The following ITGAL variants were observed in gnomAD, a reference collection of about 807,000 sequenced individuals.
ITGAL encodes the protein integrin subunit alpha L, also known as integrin alpha-L.
Under a neutral mutation model 138.4 loss-of-function variants are expected in ITGAL, and 68 were observed. The observed-to-expected ratio is 0.49, with a 90% CI of 0.40 to 0.60. The LOEUF (loss-of-function observed/expected upper bound fraction) is 0.60. Among genes scored for constraint, ITGAL ranks in the 20% least tolerant of loss-of-function variants. ITGAL has a pLI of 0.00. For synonymous variants in ITGAL, 561 were observed against 584.3 expected (o/e 0.96, Z 0.57); for missense variants, 1,256 against 1,478.6 (o/e 0.85, Z 2.47).
chr16:30,493,238 TA>T (rs200006771), intron 11 of ITGAL, among the ~76,000 whole-genome samples: 1,927 of 144,310 alleles, frequency 0.013, 35 homozygotes, highest in African/African-American at 0.046. Flanking sequence ...TTCTGACTAA[TA>T]TATACCATTT....
At chr16:30,489,949 G>A (rs559027220) in intron 11 of ITGAL, among the ~76,000 whole-genome samples, 14 of 151,416 alleles carry the variant, frequency 9.2e-5, no homozygotes, top group East Asian at 3.9e-4. Context: ...AAACAGGGCC[G>A]AGCACAGTGG....
chr16:30,513,698 G>C, intron 24 of ITGAL, 73 bp from the exon 25 acceptor site: 1 of 1,104,170 alleles, frequency 9.1e-7, no homozygotes. Context: ...ACAGTGGCTG[G>C]GCGCTCAGAA....
Position 30,516,964 on chromosome 16 carries a change from C to T in ITGAL, c.2863-9C>T, listed in dbSNP as rs1486617853. On this transcript the variant is annotated splice_polypyrimidine_tract_variant and intron_variant, in intron 25 of 30. Transcript: ENST00000356798. ...TTCAGGGCTCTGCATCCCTTGTCCT[C>T]TGTGCCAGGTGAGGATCCAGCCTTC... The T allele has an allele frequency of 5.6e-6, 9 of 1,601,794 alleles. No individual in the cohort carries two copies. Among genetic ancestry groups the T allele is most frequent in the Non-Finnish European group, 5.1e-6 (6 of 1,169,036 alleles).
intron 21 of ITGAL, among the ~76,000 whole-genome samples, chr16:30,507,457 C>CAAAAAAAAAACA (rs768576989): frequency 1.9e-5 from 1 of 52,488 alleles, no homozygotes; most frequent in East Asian, 5.9e-4. Flanking sequence ...AACTCCGTCT[C>CAAAAAAAAAACA]AAAAAAAAAA....
intron 6 of ITGAL, 172 bp from the exon 7 acceptor site, chr16:30,481,267 A>C (rs1597067346): frequency 1.4e-4 from 71 of 505,734 alleles, no homozygotes; most frequent in East Asian, 1.9e-4. Context: ...AATCGCTGGA[A>C]CCCGGGAGGC....
At chr16:30,503,159 G>GA (rs372416628) in intron 17 of ITGAL, among the ~76,000 whole-genome samples, 10 of 151,858 alleles carry the variant, frequency 6.6e-5, no homozygotes, top group Middle Eastern at 6.8e-3. Flanking sequence ...CACAAAACTA[G>GA]AAAAAAAATA....
chr16:30,482,952 GAGT>G (rs1203088740), intron 7 of ITGAL, among the ~76,000 whole-genome samples: 1 of 151,986 alleles, frequency 6.6e-6, no homozygotes, highest in Non-Finnish European at 1.5e-5. Context: ...TCAGCCTCCT[GAGT>G]AGTTGGGACT....
chr16:30,499,657 T>A, intron 17 of ITGAL, 168 bp downstream of exon 17: 1 of 298,376 alleles, frequency 3.4e-6, no homozygotes, highest in South Asian at 5.0e-5. Flanking sequence ...TAGTGTTTTT[T>A]TTAAATTATA....
At chr16:30,493,300 G>A (rs890360857) in intron 11 of ITGAL, among the ~76,000 whole-genome samples, 3 of 64,772 alleles carry the variant, frequency 4.6e-5, no homozygotes, top group African/African-American at 8.9e-5. Flanking sequence ...TTTATTTTGA[G>A]ACGGAGTCTC....
Position 30,518,723 on chromosome 16 carries a change from T to C in ITGAL, c.3228+4T>C. The C allele has an allele frequency of 6.2e-7, 1 of 1,605,156 alleles. No homozygotes were observed. Among genetic ancestry groups the C allele is most frequent in the Non-Finnish European group, 8.5e-7 (1 of 1,171,994 alleles). ...CAGCAACGCCTCCCTGGCCCAGGTATCTCCACCTCCTTGGAAGCCCCAGGA... is the reference window on the plus strand; with the variant it reads ...CAGCAACGCCTCCCTGGCCCAGGTACCTCCACCTCCTTGGAAGCCCCAGGA... On this transcript the variant is annotated splice_donor_region_variant and intron_variant, in intron 29 of 30. Transcript: ENST00000356798.
intron 11 of ITGAL, among the ~76,000 whole-genome samples, chr16:30,489,946 G>A (rs1410466392): frequency 1.3e-5 from 2 of 151,386 alleles, no homozygotes; most frequent in Admixed American, 6.6e-5. Flanking sequence ...AACAAACAGG[G>A]CCGAGCACAG....
At chr16:30,498,294 C>A (rs892379496) in intron 15 of ITGAL, among the ~76,000 whole-genome samples, 18 of 149,516 alleles carry the variant, frequency 1.2e-4, no homozygotes, top group South Asian at 4.2e-4. Context: ...GAGCCAGGCA[C>A]TGGGGCTCAC....
chr16:30,516,078 G>A (rs1035116432), intron 25 of ITGAL, among the ~76,000 whole-genome samples: 2 of 151,786 alleles, frequency 1.3e-5, no homozygotes, highest in African/African-American at 4.8e-5. Flanking sequence ...ACAAATGTTC[G>A]TTGAATGAAT....
intron 4 of ITGAL, among the ~76,000 whole-genome samples, chr16:30,478,844 A>G (rs954761097): frequency 1.1e-4 from 17 of 152,258 alleles, no homozygotes; most frequent in Middle Eastern, 3.4e-3. Flanking sequence ...GTGTAAGCCC[A>G]GATAAGGAGT....
At chr16:30,488,765 T>A in intron 9 of ITGAL, 2 of 329,120 alleles carry the variant, frequency 6.1e-6, no homozygotes, top group East Asian at 7.0e-5. Flanking sequence ...TAGTCCCCAC[T>A]ATCCAGGAGG....
intron 9 of ITGAL, among the ~76,000 whole-genome samples, chr16:30,488,702 CAAAAAAAAAAA>C (rs34533619): frequency 6.9e-5 from 4 of 57,698 alleles, no homozygotes; most frequent in African/African-American, 2.6e-4. Context: ...GACTCCATCT[CAAAAAAAAAAA>C]AAAAAAAAAA....
rs529594525 is a variant in ITGAL, at chr16:30,492,601, G to C, written c.1214-1611G>C. On this transcript the variant is annotated intron_variant, in intron 11 of 30. Coordinates refer to ENST00000356798, the MANE Select transcript of ITGAL (RefSeq NM_002209.3). ...AGACGGAGTCTTGCTCTGTCACCCA[G>C]GCTGGAGTGCAGAGGCGCTATCTCA... is the stretch of plus-strand genomic sequence containing the variant. 1.1e-3 allele frequency among the ~76,000 whole-genome samples: 156 copies of C among 145,980 alleles called. 1 individual carries two copies. The highest frequency in any genetic ancestry group is 1.2e-3 in the Non-Finnish European group (83 of 66,992).
At chr16:30,481,177 CACACACCA>C (rs747148879) in intron 6 of ITGAL, 27 of 382,690 alleles carry the variant, frequency 7.1e-5, no homozygotes, top group East Asian at 2.4e-4. Flanking sequence ...CACACACACA[CACACACCA>C]CACACACACA....
chr16:30,520,883 G>T (rs1023310904), intron 30 of ITGAL, among the ~76,000 whole-genome samples: 8 of 152,124 alleles, frequency 5.3e-5, no homozygotes, highest in African/African-American at 1.7e-4. Context: ...TCGCGAGTTC[G>T]AGACCAGCCT....
Sources: gnomAD v4.1 joint callset for allele counts (sites outside exome capture counted in the v4.1 genomes callset) on GRCh38, gnomAD v4.1.1 for gene constraint, MANE v1.5 for transcripts, NCBI Gene and HGNC (gene_info 2026-07-23, HGNC 2026-07-21) for gene names.